PBX1: variants seen among roughly 807,000 people sequenced by gnomAD.
The protein encoded by PBX1 is pre-B-cell leukemia transcription factor 1.
A neutral mutation model predicts 53.4 loss-of-function variants in PBX1; 6 were observed. The observed-to-expected ratio is 0.11, with a 90% CI of 0.06 to 0.22. The LOEUF is 0.22. Ranked by LOEUF, PBX1 falls within the 10% of genes least tolerant of loss-of-function variation. The pLI, the probability that PBX1 is intolerant of heterozygous loss-of-function variation, is 1.00. For synonymous variants in PBX1, 204 were observed against 212.3 expected, an observed-to-expected ratio of 0.96 and a Z score of 0.34; for missense variants, 251 against 551.4, an observed-to-expected ratio of 0.46 and a Z score of 5.46.
At chr1:164,734,465 G>A (rs1334863170) in intron 2 of PBX1, among the ~76,000 whole-genome samples, 1 of 152,154 alleles carries the variant, frequency 6.6e-6, no homozygotes, top group Non-Finnish European at 1.5e-5. Flanking sequence ...CCATCAGATA[G>A]TGTGCTTGCC....
chr1:164,700,607 C>G (rs1056680389), intron 2 of PBX1: 1 of 985,200 alleles, frequency 1.0e-6, no homozygotes, highest in African/African-American at 1.7e-5. Context: ...ACCTCATGGT[C>G]TAGTTACAGT....
intron 2 of PBX1, among the ~76,000 whole-genome samples, chr1:164,875,986 G>C (rs866767612): frequency 4.6e-5 from 1 of 21,536 alleles, no homozygotes; most frequent in Non-Finnish European, 2.6e-4. Flanking sequence ...TTTGGTGTAT[G>C]TGTATATATA....
chr1:164,692,576 C>T (rs775715178), intron 2 of PBX1, among the ~76,000 whole-genome samples: 2 of 150,896 alleles, frequency 1.3e-5, no homozygotes, highest in East Asian at 3.9e-4. Flanking sequence ...TTTAAAGTAA[C>T]CCTTTCAAGA....
intron 2 of PBX1, among the ~76,000 whole-genome samples, chr1:164,677,011 T>A (rs1009990510): frequency 6.6e-6 from 1 of 152,190 alleles, no homozygotes. Context: ...TTCTAAGGTT[T>A]CAACATGATT....
chr1:164,807,164 G>A (rs1669400673), intron 4 of PBX1, among the ~76,000 whole-genome samples: 1 of 152,136 alleles, frequency 6.6e-6, no homozygotes, highest in South Asian at 2.1e-4. Flanking sequence ...GGCTGAGACA[G>A]GAGAATCACT....
chr1:164,727,521 T>G (rs1372168715), intron 2 of PBX1, among the ~76,000 whole-genome samples: 1 of 152,226 alleles, frequency 6.6e-6, no homozygotes, highest in East Asian at 1.9e-4. Flanking sequence ...ACTTGCCAGG[T>G]AGCAGTGGCT....
intron 2 of PBX1, among the ~76,000 whole-genome samples, chr1:164,720,091 C>T (rs2171691): frequency 0.43 from 66,018 of 152,000 alleles, 15,440 homozygotes; most frequent in South Asian, 0.72. Flanking sequence ...TAATTTGTAT[C>T]GAATGCAAAA....
chr1:164,622,514 C>T (rs751407173), intron 2 of PBX1, among the ~76,000 whole-genome samples: 4 of 152,316 alleles, frequency 2.6e-5, no homozygotes, highest in East Asian at 1.9e-4. Flanking sequence ...ATAGCTCACT[C>T]GGACTGAGTG....
intron 2 of PBX1, among the ~76,000 whole-genome samples, chr1:164,721,586 A>C (rs1025680073): frequency 4.6e-5 from 7 of 152,112 alleles, no homozygotes; most frequent in African/African-American, 1.7e-4. Flanking sequence ...GCTTTCAAAA[A>C]CATTTATCTA....
At chr1:164,718,421 G>A (rs1043494847) in intron 2 of PBX1, among the ~76,000 whole-genome samples, 4 of 152,154 alleles carry the variant, frequency 2.6e-5, no homozygotes, top group African/African-American at 9.7e-5. Flanking sequence ...GTCAGGGTGG[G>A]GTGACCTTCA....
chr1:164,835,955 GA>G (rs1269435033), intron 8 of PBX1, among the ~76,000 whole-genome samples: 1 of 152,098 alleles, frequency 6.6e-6, no homozygotes, highest in Non-Finnish European at 1.5e-5. Flanking sequence ...TAGTGCCCAA[GA>G]ATTTTCTAAA....
intron 2 of PBX1, among the ~76,000 whole-genome samples, chr1:164,881,362 AGG>A (rs2102465849): frequency 1.3e-5 from 1 of 75,454 alleles, no homozygotes; most frequent in African/African-American, 4.1e-5. Context: ...GGAAGGAAGG[AGG>A]AAAAGAAGGA....
intron 3 of PBX1, among the ~76,000 whole-genome samples, chr1:164,798,170 A>G (rs2102315227): frequency 6.6e-6 from 1 of 152,338 alleles, no homozygotes; most frequent in Admixed American, 6.5e-5. Flanking sequence ...GCACCTGCCT[A>G]TGTACCTTTG....
At chr1:164,832,884 C>G (rs1485278354) in intron 8 of PBX1, among the ~76,000 whole-genome samples, 1 of 151,288 alleles carries the variant, frequency 6.6e-6, no homozygotes, top group Non-Finnish European at 1.5e-5. Context: ...ATAAATAACA[C>G]CAGCTAAGAA....
At chr1:164,748,650 A>AT (rs1666029480) in intron 2 of PBX1, among the ~76,000 whole-genome samples, 1 of 152,202 alleles carries the variant, frequency 6.6e-6, no homozygotes, top group African/African-American at 2.4e-5. Context: ...ATGTTTACAC[A>AT]TTGCAGTTTG....
chr1:164,777,622 A>G lies in PBX1; in HGVS notation c.266-14872A>G, dbSNP rs1224347928. Among the ~76,000 whole-genome samples, 14 of 152,210 alleles carry G rather than the reference A, an allele frequency of 9.2e-5. 1 individual carries two copies. The stretch of plus-strand genomic sequence containing the variant: ...GTAGCAAACAAAGGAGGGCGGAATT[A>G]AGAAAATCTCTGCTTTTTATTCTGT... On this transcript the variant is annotated intron_variant, in intron 2 of 8. Coordinates refer to ENST00000420696, the MANE Select transcript of PBX1 (RefSeq NM_002585.4).
intron 4 of PBX1, among the ~76,000 whole-genome samples, chr1:164,802,665 C>T (rs1229419113): frequency 6.6e-6 from 1 of 152,220 alleles, no homozygotes; most frequent in Non-Finnish European, 1.5e-5. Context: ...CACCCCTCAA[C>T]TAACCTTTCG....
chr1:164,685,960 G>A (rs1182767208), intron 2 of PBX1, among the ~76,000 whole-genome samples: 43 of 152,172 alleles, frequency 2.8e-4, no homozygotes, highest in Non-Finnish European at 1.5e-5. Flanking sequence ...GTGTTACAAA[G>A]TGCAGCACCA....
At chr1:164,727,057 G>A (rs923864646) in intron 2 of PBX1, among the ~76,000 whole-genome samples, 3 of 152,064 alleles carry the variant, frequency 2.0e-5, no homozygotes, top group African/African-American at 2.4e-5. Flanking sequence ...ATGGTGTTAC[G>A]GTTTTGCTGG....
Sources: gnomAD v4.1 joint callset for allele counts (sites outside exome capture counted in the v4.1 genomes callset) on GRCh38, gnomAD v4.1.1 for gene constraint, MANE v1.5 for transcripts, NCBI Gene and HGNC (gene_info 2026-07-23, HGNC 2026-07-21) for gene names.